AIDA: variants seen among roughly 807,000 people sequenced by gnomAD.
AIDA encodes axin interactor, dorsalization-associated protein.
A neutral mutation model predicts 42.7 loss-of-function variants in AIDA; 18 were observed. The observed-to-expected ratio is 0.42, with a 90% CI of 0.29 to 0.63. The LOEUF is 0.63. AIDA is among the 20% of genes least tolerant of loss of function. The pLI is 0.19. For missense variants in AIDA, 250 were observed against 354.1 expected, an observed-to-expected ratio of 0.71 and a Z score of 2.36; for synonymous variants, 104 against 122.9, an observed-to-expected ratio of 0.85 and a Z score of 1.02.
chr1:222,673,445 A>G lies in AIDA; in HGVS notation c.584-10T>C. ...TCTATGCCATTCAGATCTAAAGAGA[A>G]AAGAAGTTTCTCTTTAGGAACATTC... On this transcript the variant is annotated splice_polypyrimidine_tract_variant and intron_variant, in intron 7 of 9. Coordinates refer to ENST00000340020, the MANE Select transcript of AIDA (RefSeq NM_022831.4). 6.4e-7 allele frequency: 1 copy of G among 1,554,294 alleles called. No individual in the cohort carries two copies. Among genetic ancestry groups the G allele is most frequent in the East Asian group, 2.3e-5 (1 of 43,682 alleles).
chr1:222,697,281 A>C, intron 2 of AIDA, among the ~76,000 whole-genome samples: 1 of 150,360 alleles, frequency 6.7e-6, no homozygotes, highest in African/African-American at 2.4e-5. Context: ...GAACTATGGC[A>C]AAATACCTCC....
At chr1:222,672,286 C>T (rs954146093) in intron 8 of AIDA, among the ~76,000 whole-genome samples, 2 of 152,074 alleles carry the variant, frequency 1.3e-5, no homozygotes, top group Non-Finnish European at 2.9e-5. Context: ...CACCTTCTCC[C>T]GTCCACATCA....
chr1:222,686,410 G>C (rs771630116), intron 6 of AIDA, among the ~76,000 whole-genome samples: 2 of 152,162 alleles, frequency 1.3e-5, no homozygotes, highest in African/African-American at 2.4e-5. Context: ...ATTGTGGTCT[G>C]TGCCAGGCAG....
At position 222,678,200 on chromosome 1, in the gene AIDA, GGTGT is replaced by G. The variant is rs71732365; in HGVS notation, c.461-1986_461-1983del. Among the ~76,000 whole-genome samples the G allele has an allele frequency of 8.4e-3, 1,211 of 144,874 alleles. 8 individuals are homozygous for G. The highest frequency in any genetic ancestry group is 0.014 in the Middle Eastern group (4 of 284). On this transcript the variant is annotated intron_variant, in intron 6 of 9. Coordinates refer to ENST00000340020, the MANE Select transcript of AIDA (RefSeq NM_022831.4). ...TTTAAGAGCTATTTGTATATCTTGG[GGTGT>G]GTGTGTGTGTGTGTGTGTGTGTGTG...
intron 6 of AIDA, among the ~76,000 whole-genome samples, chr1:222,683,279 G>T (rs1019942453): frequency 1.3e-5 from 2 of 152,116 alleles, no homozygotes; most frequent in Non-Finnish European, 2.9e-5. Flanking sequence ...CACAAAAAAG[G>T]AAAGCCCTGA....
At chr1:222,677,419 AC>A (rs1287449868) in intron 6 of AIDA, among the ~76,000 whole-genome samples, 2 of 152,056 alleles carry the variant, frequency 1.3e-5, no homozygotes, top group Non-Finnish European at 2.9e-5. Context: ...TTTTTCTTAT[AC>A]TAGTACACTG....
chr1:222,670,285 T>C, intron 8 of AIDA, 35 bp from the exon 9 acceptor site: 4 of 1,525,350 alleles, frequency 2.6e-6, no homozygotes, highest in Non-Finnish European at 3.6e-6. Context: ...AAACCACAGA[T>C]AGCACATTTC....
At chr1:222,706,244 T>C (rs575834820) in intron 1 of AIDA, among the ~76,000 whole-genome samples, 1 of 152,302 alleles carries the variant, frequency 6.6e-6, no homozygotes, top group South Asian at 2.1e-4. Context: ...ATACACCCAG[T>C]TTGGAGAATT....
chr1:222,712,087 C>T, intron 1 of AIDA, 121 bp downstream of exon 1: 1 of 1,468,062 alleles, frequency 6.8e-7, no homozygotes, highest in Non-Finnish European at 9.2e-7. Flanking sequence ...GCCCCAGTGC[C>T]TGCGGAGCCC....
intron 6 of AIDA, among the ~76,000 whole-genome samples, chr1:222,684,961 G>A (rs568063886): frequency 3.9e-5 from 6 of 152,146 alleles, no homozygotes; most frequent in South Asian, 2.1e-4. Flanking sequence ...GGTTTGAAAC[G>A]GCAATAAAAA....
At chr1:222,700,879 T>G (rs1038900314) in intron 2 of AIDA, among the ~76,000 whole-genome samples, 11 of 150,342 alleles carry the variant, frequency 7.3e-5, no homozygotes, top group Middle Eastern at 6.9e-3. Flanking sequence ...AACACCAGCT[T>G]CAGCCTTAGA....
At chr1:222,707,161 C>CT (rs1003801851) in intron 1 of AIDA, among the ~76,000 whole-genome samples, 6 of 151,080 alleles carry the variant, frequency 4.0e-5, no homozygotes, top group African/African-American at 4.9e-5. Context: ...TGTAAAATAA[C>CT]TTTTTTTTTG....
chr1:222,701,666 A>G (rs1443427185), intron 2 of AIDA, among the ~76,000 whole-genome samples: 1 of 152,168 alleles, frequency 6.6e-6, no homozygotes, highest in Non-Finnish European at 1.5e-5. Flanking sequence ...TAAGACTCCT[A>G]ATATCTATTG....
intron 1 of AIDA, among the ~76,000 whole-genome samples, chr1:222,709,095 G>A (rs1410684629): frequency 6.6e-6 from 1 of 152,144 alleles, no homozygotes; most frequent in Non-Finnish European, 1.5e-5. Flanking sequence ...TTACATTACA[G>A]TGGGGAAAGA....
intron 5 of AIDA, 149 bp downstream of exon 5, chr1:222,687,446 C>T (rs1655230846): frequency 1.1e-5 from 8 of 702,938 alleles, no homozygotes; most frequent in Middle Eastern, 3.8e-4. Context: ...AATAATAATA[C>T]TGAAATAAAA....
Position 222,674,062 on chromosome 1 carries a change from G to A in AIDA, c.584-627C>T, listed in dbSNP as rs150246391. On this transcript the variant is annotated intron_variant, in intron 7 of 9. Transcript: ENST00000340020. ...AGATCGCGCCACTGCACTCCAGCCT[G>A]GGCAGTAAGAGTGAAACTCTGTGTC... Among the ~76,000 whole-genome samples, 248 of 152,296 alleles carry A rather than the reference G, an allele frequency of 1.6e-3. 1 individual carries two copies. The highest frequency in any genetic ancestry group is 5.4e-3 in the African/African-American group (224 of 41,554).
intron 4 of AIDA, among the ~76,000 whole-genome samples, chr1:222,688,938 T>C (rs1057187982): frequency 2.6e-5 from 4 of 152,032 alleles, no homozygotes; most frequent in African/African-American, 9.7e-5. Context: ...TCATAGGAGA[T>C]GACAGCTCCA....
At chr1:222,703,538 A>AT (rs1459696455) in intron 1 of AIDA, among the ~76,000 whole-genome samples, 1 of 152,154 alleles carries the variant, frequency 6.6e-6, no homozygotes, top group Non-Finnish European at 1.5e-5. Context: ...TAATAAGCCA[A>AT]TAAGTAGTTG....
intron 7 of AIDA, among the ~76,000 whole-genome samples, chr1:222,673,734 C>T (rs1180646064): frequency 6.6e-6 from 1 of 151,672 alleles, no homozygotes; most frequent in Admixed American, 6.6e-5. Context: ...GCCGAGATCG[C>T]ACCACTGCAC....
Sources: allele counts gnomAD v4.1 joint callset (sites outside exome capture counted in the v4.1 genomes callset), GRCh38; gene constraint gnomAD v4.1.1; transcripts MANE v1.5; gene names NCBI Gene and HGNC (gene_info 2026-07-23, HGNC 2026-07-21).